STK32B: variants seen among roughly 807,000 people sequenced by gnomAD.
STK32B encodes serine/threonine-protein kinase 32B.
STK32B carries 43 observed loss-of-function variants against 52.6 expected under a neutral mutation model. The ratio of observed to expected loss-of-function variants is 0.82; its 90% CI spans 0.64 to 1.05. The LOEUF is 1.05. Among genes scored for constraint, STK32B ranks in the 50% least tolerant of loss-of-function variants. The probability of loss-of-function intolerance (pLI) is 0.00; values close to 1 mark genes in which losing one functional copy is unlikely to be tolerated. For missense variants in STK32B, 621 were observed against 534.6 expected, an observed-to-expected ratio of 1.16 and a Z score of -1.59; for synonymous variants, 238 against 204.3, an observed-to-expected ratio of 1.17 and a Z score of -1.41.
At chr4:5,367,975 C>T (rs1343953770) in intron 4 of STK32B, among the ~76,000 whole-genome samples, 1 of 152,038 alleles carries the variant, frequency 6.6e-6, no homozygotes, top group Non-Finnish European at 1.5e-5. Context: ...CGTTTCTTTT[C>T]CCTCTGTCTC....
At chr4:5,032,054 G>A in the STK32B span, among the ~76,000 whole-genome samples, 4 of 151,948 alleles carry the variant, frequency 2.6e-5, no homozygotes, top group Non-Finnish European at 4.4e-5. Context: ...CAAATTAACA[G>A]AATTGACTTA....
intron 4 of STK32B, among the ~76,000 whole-genome samples, chr4:5,375,728 G>A (rs773544734): frequency 3.9e-4 from 60 of 152,036 alleles, no homozygotes; most frequent in Non-Finnish European, 7.9e-4. Flanking sequence ...GTTTTTTGAA[G>A]GTTTTCCTCA....
chr4:5,401,946 C>A (rs1427835109), intron 5 of STK32B, among the ~76,000 whole-genome samples: 1 of 152,196 alleles, frequency 6.6e-6, no homozygotes, highest in Non-Finnish European at 1.5e-5. Context: ...GTTGGCTAAA[C>A]CCACTCCAAT....
At chr4:5,050,942 G>A (rs1213770799), upstream of STK32B, among the ~76,000 whole-genome samples, 1 of 152,186 alleles carries the variant, frequency 6.6e-6, no homozygotes, top group Non-Finnish European at 1.5e-5. Flanking sequence ...GCAAACTATG[G>A]CTGTCTGGGG....
At chr4:5,392,545 T>C (rs1283222254) in intron 4 of STK32B, among the ~76,000 whole-genome samples, 1 of 152,206 alleles carries the variant, frequency 6.6e-6, no homozygotes, top group Non-Finnish European at 1.5e-5. Context: ...AATTTATTTT[T>C]TTTCATTTCC....
chr4:5,159,683 ATG>A (rs1307721661), intron 2 of STK32B, among the ~76,000 whole-genome samples: 1 of 70,676 alleles, frequency 1.4e-5, no homozygotes, highest in Non-Finnish European at 2.9e-5. Flanking sequence ...GAATATATAT[ATG>A]AATATATATG....
At chr4:5,461,447 G>A (rs1175108740) in intron 9 of STK32B, among the ~76,000 whole-genome samples, 1 of 152,162 alleles carries the variant, frequency 6.6e-6, no homozygotes, top group African/African-American at 2.4e-5. Flanking sequence ...CCCCACATCA[G>A]TTTCTCCAAG....
At chr4:5,292,018 T>C (rs892512346) in intron 3 of STK32B, among the ~76,000 whole-genome samples, 1 of 152,170 alleles carries the variant, frequency 6.6e-6, no homozygotes, top group Non-Finnish European at 1.5e-5. Flanking sequence ...AGTCCACCAC[T>C]GATAGGCACT....
In STK32B at chr4:5,400,887, C is replaced by T. The variant is rs80002618; in HGVS notation, c.472+2643C>T. Among the ~76,000 whole-genome samples the T allele has an allele frequency of 3.7e-3, 570 of 152,190 alleles. 3 individuals carry two copies. The highest frequency in any genetic ancestry group is 0.012 in the African/African-American group (487 of 41,510). On this transcript the variant is annotated intron_variant, in intron 5 of 11. Coordinates refer to ENST00000282908, the MANE Select transcript of STK32B (RefSeq NM_018401.3). This position sits in a 1 kb window ranked among gnomAD's most constrained non-coding sequence, Gnocchi z 6.1. ...ATGAACAAGGCAAACAGGGTCCCAA[C>T]GCTGATGGGTTTCATGGTGTTGGGG...
chr4:5,429,813 C>A (rs2109089463), intron 6 of STK32B, among the ~76,000 whole-genome samples: 1 of 152,002 alleles, frequency 6.6e-6, no homozygotes, highest in East Asian at 1.9e-4. Flanking sequence ...ATCTTTATTT[C>A]CTTATATTGT....
intron 3 of STK32B, among the ~76,000 whole-genome samples, chr4:5,309,478 T>C (rs1730148464): frequency 6.6e-6 from 1 of 152,170 alleles, no homozygotes; most frequent in African/African-American, 2.4e-5. Context: ...ACTACCAGAC[T>C]TCAAAGTATA....
At chr4:5,105,852 C>G (rs1303083818) in intron 1 of STK32B, among the ~76,000 whole-genome samples, 1 of 152,014 alleles carries the variant, frequency 6.6e-6, no homozygotes, top group African/African-American at 2.4e-5. Context: ...TGTGAGCCAC[C>G]ACGCCCGGCT....
chr4:5,247,048 C>G (rs140274399), intron 3 of STK32B, among the ~76,000 whole-genome samples: 1 of 152,312 alleles, frequency 6.6e-6, no homozygotes, highest in East Asian at 1.9e-4. Flanking sequence ...GTGGTCTGCC[C>G]GTTCTCAGAT....
At chr4:5,446,485 G>C (rs986286602) in intron 6 of STK32B, among the ~76,000 whole-genome samples, 188 bp from the exon 7 acceptor site, 1 of 150,026 alleles carries the variant, frequency 6.7e-6, no homozygotes, top group Admixed American at 6.7e-5. Context: ...AGAATCGCTT[G>C]AACTAAGGCA....
rs1161596618 is a variant in STK32B, at chr4:5,134,633, C to T, written c.53-5272C>T. The stretch of plus-strand genomic sequence containing the variant: ...GGTGACATTGTCTAATTTTTAAATA[C>T]TGTAACTTATTCAAAACAATTTTAA... On this transcript the variant is annotated intron_variant, in intron 1 of 11. Transcript: ENST00000282908. Among the ~76,000 whole-genome samples, 3 of 152,250 alleles carry T rather than the reference C, an allele frequency of 2.0e-5. No individual in the cohort carries two copies. In the East Asian group the frequency reaches 5.8e-4, roughly 29 times the overall value.
intron 4 of STK32B, among the ~76,000 whole-genome samples, chr4:5,347,347 C>T: frequency 6.6e-6 from 1 of 152,172 alleles, no homozygotes; most frequent in East Asian, 1.9e-4. Flanking sequence ...ATACTATCTA[C>T]AGTGAACATA....
At position 5,499,576 on chromosome 4, in the gene STK32B, T is replaced by C. The variant is rs1269061599; in HGVS notation, c.*493T>C. On this transcript the variant is annotated 3_prime_UTR_variant, in exon 12 of 12. Coordinates refer to ENST00000282908, the MANE Select transcript of STK32B (RefSeq NM_018401.3). ...AAAGGTCTGATATGTTGGCCCCTTC[T>C]ATGGAAACAACGCTGCCAAATCCTG... 6.6e-6 allele frequency: 1 copy of C among 152,656 alleles called. No homozygotes were observed. Among genetic ancestry groups the C allele is most frequent in the Admixed American group, 6.5e-5 (1 of 15,286 alleles). 9.5% of individuals were successfully genotyped at this position (152,656 alleles called of 1,614,324 possible).
intron 3 of STK32B, among the ~76,000 whole-genome samples, chr4:5,212,195 TAGTA>T (rs1174860635): frequency 2.0e-5 from 3 of 152,270 alleles, no homozygotes; most frequent in South Asian, 2.1e-4. Flanking sequence ...TTTTCACAAT[TAGTA>T]AGCAAGTAGA....
At chr4:5,333,949 G>C (rs184636210) in intron 4 of STK32B, among the ~76,000 whole-genome samples, 1 of 152,094 alleles carries the variant, frequency 6.6e-6, no homozygotes, top group Non-Finnish European at 1.5e-5. Context: ...GGATTGACTT[G>C]GCGATGCGAG....
Sources: allele counts gnomAD v4.1 joint callset (sites outside exome capture counted in the v4.1 genomes callset), GRCh38; gene constraint gnomAD v4.1.1; non-coding constraint Gnocchi (gnomAD v3.1); transcripts MANE v1.5; gene names NCBI Gene and HGNC (gene_info 2026-07-23, HGNC 2026-07-21).